The following RABEP1 variants were observed in gnomAD, a reference collection of about 807,000 sequenced individuals.
RABEP1 encodes rab GTPase-binding effector protein 1.
Under a neutral mutation model 123.4 loss-of-function variants are expected in RABEP1, and 51 were observed. That is an observed-to-expected ratio of 0.41 (90% CI 0.33 to 0.52). The LOEUF is 0.52. Ranked by LOEUF, RABEP1 falls within the 20% of genes least tolerant of loss-of-function variation. The pLI is 0.16. For synonymous variants in RABEP1, 347 were observed against 355.2 expected (o/e 0.98, Z 0.26); for missense variants, 888 against 996.3 (o/e 0.89, Z 1.46).
chr17:5,285,674 T>C (rs2074970998), intron 1 of RABEP1, among the ~76,000 whole-genome samples: 1 of 152,244 alleles, frequency 6.6e-6, no homozygotes, highest in Admixed American at 6.5e-5. Context: ...GCAATGGTAC[T>C]ATTGAATATT....
intron 1 of RABEP1, among the ~76,000 whole-genome samples, chr17:5,289,194 T>C (rs1378402165): frequency 3.9e-5 from 6 of 151,932 alleles, no homozygotes; most frequent in Admixed American, 3.9e-4. Context: ...TTTTCTCTTC[T>C]ACTATGAGTT....
At chr17:5,316,428 C>T (rs146954310) in intron 2 of RABEP1, among the ~76,000 whole-genome samples, 1,074 of 105,910 alleles carry the variant, frequency 0.01, 15 homozygotes, top group African/African-American at 0.035. Flanking sequence ...CCACCGTGGG[C>T]GACAGAGTGA....
At chr17:5,320,856 G>A (rs188605440) in intron 2 of RABEP1, among the ~76,000 whole-genome samples, 17 of 152,234 alleles carry the variant, frequency 1.1e-4, no homozygotes, top group African/African-American at 4.1e-4. Flanking sequence ...AAGAAGAGAG[G>A]AGTTACAAAA....
At chr17:5,313,986 G>A (rs896165368) in intron 2 of RABEP1, among the ~76,000 whole-genome samples, 1 of 152,048 alleles carries the variant, frequency 6.6e-6, no homozygotes, top group Non-Finnish European at 1.5e-5. Context: ...ATTGCCACAG[G>A]TGTTTACAGT....
At chr17:5,337,437 G>A (rs1279619444) in intron 4 of RABEP1, among the ~76,000 whole-genome samples, 1 of 152,158 alleles carries the variant, frequency 6.6e-6, no homozygotes, top group Non-Finnish European at 1.5e-5. Context: ...TGTAATCCCA[G>A]CACTTTGGGA....
intron 5 of RABEP1, among the ~76,000 whole-genome samples, chr17:5,345,519 A>G (rs927988419): frequency 6.6e-6 from 1 of 152,226 alleles, no homozygotes; most frequent in Non-Finnish European, 1.5e-5. Context: ...TTTATTCCAA[A>G]AAGTAATAAC....
chr17:5,369,121 A>C (rs1333419582), intron 12 of RABEP1, among the ~76,000 whole-genome samples: 1 of 152,146 alleles, frequency 6.6e-6, no homozygotes, highest in African/African-American at 2.4e-5. Flanking sequence ...AAGAAAAAAA[A>C]AATAACCTTA....
At position 5,373,446 on chromosome 17, in the gene RABEP1, A is replaced by G. The variant is rs757603242; in HGVS notation, c.2017A>G (p.Thr673Ala). 10 of 1,603,108 alleles carry G rather than the reference A, an allele frequency of 6.2e-6. No individual in the cohort carries two copies. Among genetic ancestry groups the G allele is most frequent in the Non-Finnish European group, 8.5e-6 (10 of 1,176,590 alleles). ...QQAEDFILPD[T>A]TEALRELVLK... ...AGCAGAAGACTTCATCCTCCCAGAC[A>G]CTACAGAGGTAACTTACTTTCCACA... Residue 673 changes from threonine (T) to alanine (A), a missense_variant, in exon 13 of 18, where the codon ACT becomes GCT. Coordinates refer to ENST00000537505, the MANE Select transcript of RABEP1 (RefSeq NM_004703.6).
At chr17:5,282,591 G>T (rs2074936315) in intron 1 of RABEP1, 71 bp downstream of exon 1, 1 of 1,043,198 alleles carries the variant, frequency 9.6e-7, no homozygotes, top group South Asian at 4.7e-5. Context: ...AGGATTTCGG[G>T]GCGGGCAGGC....
intron 1 of RABEP1, among the ~76,000 whole-genome samples, chr17:5,287,473 C>A (rs2074989712): frequency 6.6e-6 from 1 of 151,920 alleles, no homozygotes; most frequent in Non-Finnish European, 1.5e-5. Context: ...GTGGCACGCG[C>A]CTGTAATCCC....
chr17:5,347,210 G>A (rs1908134274), intron 6 of RABEP1, among the ~76,000 whole-genome samples: 1 of 152,110 alleles, frequency 6.6e-6, no homozygotes. Flanking sequence ...AGGAGTTTGA[G>A]ACCAGCCTGG....
chr17:5,344,903 C>T (rs1474860749), intron 5 of RABEP1, among the ~76,000 whole-genome samples: 1 of 151,008 alleles, frequency 6.6e-6, no homozygotes, highest in East Asian at 1.9e-4. Context: ...GTTGACGTTG[C>T]AGTAAGCTGA....
chr17:5,323,920 A>G (rs995294636), intron 2 of RABEP1, among the ~76,000 whole-genome samples: 18 of 139,530 alleles, frequency 1.3e-4, no homozygotes, highest in African/African-American at 4.5e-4. Flanking sequence ...TAAAACACCA[A>G]TGAAAGAAAT....
chr17:5,380,585 T>C (rs962094339), intron 16 of RABEP1, 123 bp downstream of exon 16: 4 of 821,288 alleles, frequency 4.9e-6, no homozygotes, highest in Non-Finnish European at 6.0e-6. Flanking sequence ...TTGGCAAAAC[T>C]GACAGCTTGT....
At position 5,323,705 on chromosome 17, in the gene RABEP1, TATATATATATATCTAGGA is replaced by T. The variant is rs869071579; in HGVS notation, c.164-8195_164-8178del. On this transcript the variant is annotated intron_variant, in intron 2 of 17. Transcript: ENST00000537505. ...ATATATATATATCTCTCTCTAGGAATATATATATATATCTAGGAATATATATATATCTAGGAATATATA... is the reference window on the plus strand; with the variant it reads ...ATATATATATATCTCTCTCTAGGAATATATATATATATCTAGGAATATATA... 2.8e-3 allele frequency among the ~76,000 whole-genome samples: 360 copies of T among 129,852 alleles called. 28 individuals are homozygous for T. Among genetic ancestry groups the T allele is most frequent in the African/African-American group, 9.7e-3 (301 of 31,186 alleles). 85.2% of individuals were successfully genotyped at this position (129,852 alleles called of 152,430 possible).
chr17:5,289,517 T>C (rs1002873031), intron 1 of RABEP1, among the ~76,000 whole-genome samples: 24 of 151,692 alleles, frequency 1.6e-4, no homozygotes, highest in African/African-American at 5.3e-4. Context: ...AAAAACCTTA[T>C]CATTTTCAAC....
intron 11 of RABEP1, among the ~76,000 whole-genome samples, chr17:5,367,443 T>TTTG (rs777667988): frequency 1.3e-5 from 2 of 151,738 alleles, no homozygotes; most frequent in Non-Finnish European, 2.9e-5. Flanking sequence ...GGCTAATTTT[T>TTTG]TATTTTTAGT....
In RABEP1 at chr17:5,377,325, A is replaced by G. The variant is rs1911071901; in HGVS notation, c.2215+20A>G. 7 of 1,556,434 alleles carry G rather than the reference A, an allele frequency of 4.5e-6. No homozygotes were observed. In the East Asian group the frequency reaches 1.6e-4, roughly 35 times the overall value. ...AAATAGGTGAAGATAAAAGTGATGT[A>G]GTTTAGAATTAGAGTCACTAAATAA... On this transcript the variant is annotated intron_variant, in intron 14 of 17. Coordinates refer to ENST00000537505, the MANE Select transcript of RABEP1 (RefSeq NM_004703.6).
At chr17:5,346,645 T>C in intron 5 of RABEP1, 145 bp from the exon 6 acceptor site, 1 of 409,150 alleles carries the variant, frequency 2.4e-6, no homozygotes, top group Non-Finnish European at 4.0e-6. Context: ...ACATATTTTA[T>C]AATTAAAAAT....
Sources: allele counts gnomAD v4.1 joint callset (sites outside exome capture counted in the v4.1 genomes callset), GRCh38; gene constraint gnomAD v4.1.1; transcripts MANE v1.5; gene names NCBI Gene and HGNC (gene_info 2026-07-23, HGNC 2026-07-21).